ABLIM1: variants seen among roughly 807,000 people sequenced by gnomAD.
The protein encoded by ABLIM1 is actin binding LIM protein 1, also known as actin-binding LIM protein 1.
ABLIM1 carries 40 observed loss-of-function variants against 107.0 expected under a neutral mutation model. That is an observed-to-expected ratio of 0.37 (90% CI 0.29 to 0.49). The LOEUF (loss-of-function observed/expected upper bound fraction) is 0.49. Among genes scored for constraint, ABLIM1 ranks in the 20% least tolerant of loss-of-function variants. The pLI, the probability that ABLIM1 is intolerant of heterozygous loss-of-function variation, is 0.97. For missense variants in ABLIM1, 857 were observed against 1,008.5 expected (o/e 0.85, Z 2.04); for synonymous variants, 357 against 357.3 (o/e 1.00, Z 0.01).
At chr10:114,440,816 C>G (rs142951746) in intron 19 of ABLIM1, 98 of 688,844 alleles carry the variant, frequency 1.4e-4, no homozygotes, top group African/African-American at 1.4e-3. Context: ...TAAATTCTCA[C>G]AAACTCACTT....
upstream of ABLIM1, among the ~76,000 whole-genome samples, chr10:114,686,512 CA>C (rs200301126): frequency 8.1e-5 from 11 of 135,886 alleles, no homozygotes; most frequent in Admixed American, 2.2e-4. Flanking sequence ...GACCCCGTCT[CA>C]AAAAAAAAAA....
intron 6 of ABLIM1, among the ~76,000 whole-genome samples, chr10:114,497,434 C>T (rs1213130454): frequency 6.6e-6 from 1 of 151,948 alleles, no homozygotes; most frequent in Non-Finnish European, 1.5e-5. Flanking sequence ...AATCCCAACA[C>T]TTTGGGAGGC....
chr10:114,604,611 C>G (rs536788955), intron 1 of ABLIM1, among the ~76,000 whole-genome samples: 1 of 152,288 alleles, frequency 6.6e-6, no homozygotes, highest in East Asian at 1.9e-4. Context: ...GTGATTCTTA[C>G]GCATACTCCA....
intron 1 of ABLIM1, among the ~76,000 whole-genome samples, chr10:114,699,813 A>G (rs1315920302): frequency 6.6e-6 from 1 of 152,224 alleles, no homozygotes; most frequent in African/African-American, 2.4e-5. Flanking sequence ...TCTGCTATAA[A>G]AGGGCAGCCC....
At chr10:114,460,477 T>C (rs1389709394) in intron 12 of ABLIM1, among the ~76,000 whole-genome samples, 1 of 152,212 alleles carries the variant, frequency 6.6e-6, no homozygotes, top group Non-Finnish European at 1.5e-5. Flanking sequence ...GGCGCACGCC[T>C]GTAATCCCAG....
chr10:114,632,517 A>G, intron 1 of ABLIM1: 2 of 985,430 alleles, frequency 2.0e-6, no homozygotes, highest in Non-Finnish European at 2.4e-6. Flanking sequence ...TAATGATGCT[A>G]ATGGCAATTT....
chr10:114,467,976 C>T (rs1023527373), intron 11 of ABLIM1, among the ~76,000 whole-genome samples: 2 of 152,144 alleles, frequency 1.3e-5, no homozygotes, highest in Non-Finnish European at 1.5e-5. Flanking sequence ...ATTTTTACTC[C>T]CTGGTCTCCA....
upstream of ABLIM1, among the ~76,000 whole-genome samples, chr10:114,770,736 G>T (rs185023735): frequency 1.3e-5 from 2 of 152,238 alleles, no homozygotes; most frequent in East Asian, 3.9e-4. Context: ...CAGTCTTGTC[G>T]AATTGAATTT....
At chr10:114,502,094 T>A in intron 6 of ABLIM1, 1 of 165,190 alleles carries the variant, frequency 6.1e-6, no homozygotes, top group South Asian at 1.8e-4. Flanking sequence ...CTGTCCATCA[T>A]TTTCAAATTC....
chr10:114,602,122 AC>A lies in ABLIM1; in HGVS notation c.245-162del, dbSNP rs2076058850. On this transcript the variant is annotated intron_variant, in intron 1 of 22. Transcript: ENST00000533213. ...AAGTCATAATCCTAGAGACACAAAG[AC>A]CCATAAGACAGTTGTGGCTTTGACA... Among the ~76,000 whole-genome samples the A allele has an allele frequency of 2.0e-5, 3 of 152,152 alleles. No individual in the cohort carries two copies. In the South Asian group the frequency reaches 6.2e-4, roughly 32 times the overall value.
intron 2 of ABLIM1, among the ~76,000 whole-genome samples, chr10:114,599,783 C>T (rs2075803771): frequency 8.8e-6 from 1 of 113,814 alleles, no homozygotes; most frequent in African/African-American, 2.9e-5. Flanking sequence ...GAGACTCCAT[C>T]TCAAATAAAT....
At chr10:114,454,099 C>T (rs550486754) in intron 12 of ABLIM1, among the ~76,000 whole-genome samples, 1 of 152,088 alleles carries the variant, frequency 6.6e-6, no homozygotes, top group Non-Finnish European at 1.5e-5. Flanking sequence ...ATTTCACGAC[C>T]ATTTATACCT....
chr10:114,595,970 C>A (rs1228345405), intron 2 of ABLIM1, among the ~76,000 whole-genome samples: 1 of 152,184 alleles, frequency 6.6e-6, no homozygotes, highest in African/African-American at 2.4e-5. Flanking sequence ...CCTCAATATA[C>A]CCCAAACTGA....
intron 1 of ABLIM1, among the ~76,000 whole-genome samples, chr10:114,628,419 C>T (rs551203457): frequency 1.3e-5 from 2 of 152,352 alleles, no homozygotes; most frequent in Admixed American, 6.5e-5. Context: ...CTCAAAATAT[C>T]AGTAATGCTG....
At chr10:114,657,892 G>A (rs1014347840) in intron 1 of ABLIM1, 65 bp downstream of exon 1, 2 of 1,322,010 alleles carry the variant, frequency 1.5e-6, no homozygotes, top group Admixed American at 3.7e-5. Flanking sequence ...GATCTGGATA[G>A]TACTCTCTTA....
chr10:114,730,397 C>CAAAAA lies in ABLIM1; in HGVS notation c.-213+37659_-213+37663dup, dbSNP rs59713925. On this transcript the variant is annotated intron_variant, in intron 1 of 15. Transcript: ENST00000651092. ...TGGTCAACAGTGTGAAACTCCATCT[C>CAAAAA]AAAAAAAAAAAAAAAAAAAAAAGAA... Among the ~76,000 whole-genome samples, 17 of 73,060 alleles carry CAAAAA rather than the reference C, an allele frequency of 2.3e-4. 2 individuals carry two copies. Among genetic ancestry groups the CAAAAA allele is most frequent in the Non-Finnish European group, 3.6e-4 (13 of 35,758 alleles). 47.9% of individuals were successfully genotyped at this position (73,060 alleles called of 152,430 possible).
intron 1 of ABLIM1, among the ~76,000 whole-genome samples, chr10:114,655,636 T>A (rs1301732742): frequency 6.6e-6 from 1 of 152,174 alleles, no homozygotes; most frequent in South Asian, 2.1e-4. Flanking sequence ...TATCCCCTAG[T>A]ATGTGGATCT....
intron 6 of ABLIM1, among the ~76,000 whole-genome samples, chr10:114,505,254 CTTTCT>C (rs1159975109): frequency 1.3e-5 from 2 of 152,194 alleles, no homozygotes; most frequent in Non-Finnish European, 2.9e-5. Flanking sequence ...ACATCCTTTC[CTTTCT>C]TAACACCAGA....
chr10:114,641,232 C>T (rs1477466491), intron 1 of ABLIM1, among the ~76,000 whole-genome samples: 1 of 115,422 alleles, frequency 8.7e-6, no homozygotes, highest in Non-Finnish European at 1.6e-5. Flanking sequence ...GAGAAAGTCA[C>T]TGTGAAGCCA....
Sources: gnomAD v4.1 joint callset for allele counts (sites outside exome capture counted in the v4.1 genomes callset) on GRCh38, gnomAD v4.1.1 for gene constraint, MANE v1.5 for transcripts, NCBI Gene and HGNC (gene_info 2026-07-23, HGNC 2026-07-21) for gene names.